Variants in PRKAR1A observed in about 807,000 individuals in gnomAD.
PRKAR1A encodes the protein cAMP-dependent protein kinase type I-alpha regulatory subunit.
In PRKAR1A, 3 loss-of-function variants were observed where a neutral mutation model predicts 52.0. The observed-to-expected ratio is 0.06, with a 90% CI of 0.03 to 0.15. PRKAR1A has a LOEUF of 0.15. PRKAR1A is among the 10% of genes least tolerant of loss of function. The pLI is 1.00. For synonymous variants in PRKAR1A, 188 were observed against 168.4 expected (o/e 1.12, Z -0.90); for missense variants, 240 against 477.4 (o/e 0.50, Z 4.63).
intron 2 of PRKAR1A, among the ~76,000 whole-genome samples, chr17:68,520,820 C>G (rs1251444858): frequency 7.2e-5 from 11 of 152,000 alleles, no homozygotes; most frequent in Non-Finnish European, 1.5e-4. Flanking sequence ...GAATGTAGTC[C>G]CAAGTGAAAT....
chr17:68,532,214 A>T lies in PRKAR1A; in HGVS notation c.*1765A>T. 6 of 1,037,232 alleles carry T rather than the reference A, an allele frequency of 5.8e-6. No homozygotes were observed. Among genetic ancestry groups the T allele is most frequent in the Non-Finnish European group, 7.0e-6 (6 of 853,756 alleles). 64.3% of individuals were successfully genotyped at this position (1,037,232 alleles called of 1,614,324 possible). A position where few individuals can be genotyped will look rare whatever the true frequency, so the allele number is the denominator to read the frequency against. On this transcript the variant is annotated 3_prime_UTR_variant, in exon 11 of 11. Coordinates refer to ENST00000589228, the MANE Select transcript of PRKAR1A (RefSeq NM_002734.5). ...TACCTTTTTATATTTAAAAAATTAAAAATGAAAATTACGTTCTTACAAGCT... is the reference window on the plus strand; with the variant it reads ...TACCTTTTTATATTTAAAAAATTAATAATGAAAATTACGTTCTTACAAGCT...
intron 7 of PRKAR1A, among the ~76,000 whole-genome samples, chr17:68,526,253 C>T (rs1480478716): frequency 6.6e-6 from 1 of 152,196 alleles, no homozygotes; most frequent in Non-Finnish European, 1.5e-5. Context: ...ATAGGTGCTG[C>T]TTTTAAGTGC....
the PRKAR1A span, chr17:68,427,601 C>G: frequency 5.5e-6 from 1 of 180,280 alleles, no homozygotes; most frequent in Non-Finnish European, 1.2e-5. Context: ...AGGTGATCCG[C>G]CCGCCAACTC....
chr17:68,436,322 C>A, the PRKAR1A span: 1 of 1,519,162 alleles, frequency 6.6e-7, no homozygotes, highest in Non-Finnish European at 9.1e-7. Flanking sequence ...TATCTATCTC[C>A]TTCCATGACC....
chr17:68,425,912 C>G, the PRKAR1A span: 1 of 618,358 alleles, frequency 1.6e-6, no homozygotes, highest in Non-Finnish European at 2.8e-6. Flanking sequence ...GGATTCGAAG[C>G]ACACAGTACA....
intron 1 of PRKAR1A, among the ~76,000 whole-genome samples, chr17:68,513,626 A>C (rs1329624665): frequency 6.6e-6 from 1 of 152,214 alleles, no homozygotes; most frequent in Non-Finnish European, 1.5e-5. Context: ...GTTGGGCTTT[A>C]CAAATAAGTA....
chr17:68,457,394 G>A, the PRKAR1A span: 8 of 1,534,506 alleles, frequency 5.2e-6, no homozygotes, highest in Non-Finnish European at 7.0e-6. Flanking sequence ...ACCCCGCCCG[G>A]GGGAGCGTCC....
At chr17:68,496,595 G>A in the PRKAR1A span, among the ~76,000 whole-genome samples, 112,434 of 152,076 alleles carry the variant, frequency 0.74, 41,926 homozygotes, top group East Asian at 0.94. Context: ...GGACGTGGAC[G>A]TTCTTGCAGG....
chr17:68,472,458 A>G, the PRKAR1A span, among the ~76,000 whole-genome samples: 1 of 152,234 alleles, frequency 6.6e-6, no homozygotes, highest in African/African-American at 2.4e-5. Context: ...CTTAACTTGC[A>G]GACCCCAGTG....
the PRKAR1A span, among the ~76,000 whole-genome samples, chr17:68,449,354 G>A: frequency 1.3e-5 from 2 of 152,214 alleles, no homozygotes; most frequent in Non-Finnish European, 2.9e-5. Flanking sequence ...ATTTGGCCAA[G>A]CGTGGTGGCT....
intron 11 of PRKAR1A, among the ~76,000 whole-genome samples, chr17:68,545,209 A>G (rs1161565026): frequency 1.3e-5 from 2 of 152,252 alleles, no homozygotes; most frequent in African/African-American, 4.8e-5. Context: ...ACACTGTGTT[A>G]TGGTATGAAA....
the PRKAR1A span, among the ~76,000 whole-genome samples, chr17:68,446,641 C>T: frequency 1.3e-5 from 2 of 152,162 alleles, no homozygotes; most frequent in East Asian, 3.8e-4. Flanking sequence ...CAGCACATGC[C>T]GTGGTTAGAA....
chr17:68,492,665 G>A, the PRKAR1A span, among the ~76,000 whole-genome samples: 3,417 of 152,248 alleles, frequency 0.022, 114 homozygotes, highest in African/African-American at 0.075. Context: ...GTATGCTACT[G>A]GCGGTGAATC....
the PRKAR1A span, among the ~76,000 whole-genome samples, chr17:68,502,755 G>GAA: frequency 4.5e-3 from 386 of 86,270 alleles, 4 homozygotes; most frequent in East Asian, 0.047. Flanking sequence ...TTCATCTCAG[G>GAA]AAAAAAAAAA....
At chr17:68,471,616 C>T in the PRKAR1A span, among the ~76,000 whole-genome samples, 7 of 152,104 alleles carry the variant, frequency 4.6e-5, no homozygotes, top group African/African-American at 1.7e-4. Flanking sequence ...TGAGTTGGGG[C>T]CATGAGAGGG....
In PRKAR1A at chr17:68,519,451, T is replaced by C. The variant is rs2085535451; in HGVS notation, c.178-3305T>C. Among the ~76,000 whole-genome samples the C allele has an allele frequency of 3.3e-5, 5 of 152,196 alleles. No homozygotes were observed. The South Asian group carries it at 1.0e-3, about 32-fold the overall frequency. On this transcript the variant is annotated intron_variant, in intron 2 of 10. Coordinates refer to ENST00000589228, the MANE Select transcript of PRKAR1A (RefSeq NM_002734.5). ...ACTGTCAGATGTCATGAGAGCTCAC[T>C]ATCACCAGAACAGCATGGAGGTAAC...
At chr17:68,430,103 A>G in the PRKAR1A span, 2 of 1,614,016 alleles carry the variant, frequency 1.2e-6, no homozygotes, top group Non-Finnish European at 1.7e-6. Flanking sequence ...GGTAGTTGGT[A>G]GCAGCCATAA....
chr17:68,458,403 C>A, the PRKAR1A span, among the ~76,000 whole-genome samples: 3 of 152,190 alleles, frequency 2.0e-5, no homozygotes, highest in Admixed American at 6.5e-5. Flanking sequence ...AACAACGTAG[C>A]ACCTAGCATG....
the PRKAR1A span, chr17:68,428,803 TGTCTTTTGAAAAGCA>T: frequency 8.1e-5 from 127 of 1,566,872 alleles, no homozygotes; most frequent in South Asian, 1.2e-3. Context: ...CTCGAAAGGC[TGTCTTTTGAAAAGCA>T]GTCTCTTCAC....
Sources: gnomAD v4.1 joint callset for allele counts (sites outside exome capture counted in the v4.1 genomes callset) on GRCh38, gnomAD v4.1.1 for gene constraint, MANE v1.5 for transcripts, NCBI Gene and HGNC (gene_info 2026-07-23, HGNC 2026-07-21) for gene names.